Variants in TM9SF3 observed in about 807,000 individuals in gnomAD.
TM9SF3 encodes the protein SM-11044-binding protein.
Under a neutral mutation model 78.6 loss-of-function variants are expected in TM9SF3, and 14 were observed. The observed-to-expected ratio is 0.18, with a 90% confidence interval of 0.12 to 0.28. The LOEUF is 0.28. TM9SF3 is among the 10% of genes least tolerant of loss of function. The pLI is 1.00. For missense variants in TM9SF3, 496 were observed against 721.9 expected (o/e 0.69, Z 3.59); for synonymous variants, 231 against 241.7 (o/e 0.96, Z 0.41).
chr10:96,565,536 C>T (rs897748129), intron 2 of TM9SF3, 110 bp from the exon 3 acceptor site: 30 of 1,244,676 alleles, frequency 2.4e-5, no homozygotes, highest in Non-Finnish European at 3.1e-5. Flanking sequence ...AATTTCTATT[C>T]ACAATAGCTG....
rs149825879 is a variant in TM9SF3 at position 96,518,189 on chromosome 10, G to C, written c.*4074C>G. On this transcript the variant is annotated 3_prime_UTR_variant, in exon 15 of 15. Transcript: ENST00000371142. ...CTAGGTTAGAACCTCAATTGTATTT[G>C]ATACATTATATACTGGATTTCTATT... 12 of 152,260 alleles carry C rather than the reference G, an allele frequency of 7.9e-5. No homozygotes were observed. Among genetic ancestry groups the C allele is most frequent in the African/African-American group, 2.4e-4 (10 of 41,542 alleles). The allele number at this position is 152,260 out of a possible 1,614,324, so 9.4% of individuals were successfully genotyped here.
intron 11 of TM9SF3, among the ~76,000 whole-genome samples, chr10:96,529,540 T>C (rs928908158): frequency 6.6e-6 from 1 of 152,024 alleles, no homozygotes; most frequent in African/African-American, 2.4e-5. Context: ...GGACTTTATG[T>C]TCTTGCTTCA....
intron 5 of TM9SF3, among the ~76,000 whole-genome samples, chr10:96,555,933 A>T (rs1371426282): frequency 6.6e-6 from 1 of 152,294 alleles, no homozygotes; most frequent in East Asian, 1.9e-4. Flanking sequence ...AAAATAAAAG[A>T]AGTTTTATAT....
At chr10:96,576,106 G>A (rs1397644384) in intron 2 of TM9SF3, among the ~76,000 whole-genome samples, 3 of 152,062 alleles carry the variant, frequency 2.0e-5, no homozygotes, top group Non-Finnish European at 1.5e-5. Context: ...AATTTGAGGC[G>A]TCACACAAGA....
chr10:96,527,884 C>G, intron 12 of TM9SF3, 147 bp downstream of exon 12: 1 of 753,272 alleles, frequency 1.3e-6, no homozygotes, highest in Non-Finnish European at 2.0e-6. Context: ...AAATATGTAT[C>G]ATTTTTATAA....
In TM9SF3 at chr10:96,522,216, C is replaced by A. The variant is rs775651475; in HGVS notation, c.*47G>T. The A allele has an allele frequency of 3.3e-6, 5 of 1,517,738 alleles. No individual in the cohort carries two copies. In the South Asian group the frequency reaches 4.8e-5, roughly 14 times the overall value. 94.0% of individuals were successfully genotyped at this position (1,517,738 alleles called of 1,614,324 possible). ...TTTGTTTTTGCTGTGCAAGTTCCAC[C>A]CCTATGAAAAAGAAATTGATCCAAA... On this transcript the variant is annotated 3_prime_UTR_variant, in exon 15 of 15. Transcript: ENST00000371142.
chr10:96,587,007 G>T lies in TM9SF3; in HGVS notation c.-172C>A. ...GCCGCCGCCGTCGCCGTCACCGCCC[G>T]CTCCTGAGCCTCCCCCGCCCCCCGC... On this transcript the variant is annotated 5_prime_UTR_variant, in exon 1 of 15. Coordinates refer to ENST00000371142, the MANE Select transcript of TM9SF3 (RefSeq NM_020123.4). 1 of 342,904 alleles carries T rather than the reference G, an allele frequency of 2.9e-6. No homozygotes were observed. Among genetic ancestry groups the T allele is most frequent in the Non-Finnish European group, 4.6e-6 (1 of 215,306 alleles). The allele number at this position is 342,904 out of a possible 1,614,324, so 21.2% of individuals were successfully genotyped here.
chr10:96,540,479 C>T (rs1848011427), intron 9 of TM9SF3, among the ~76,000 whole-genome samples: 1 of 152,192 alleles, frequency 6.6e-6, no homozygotes, highest in Non-Finnish European at 1.5e-5. Context: ...CAGCTGGGTA[C>T]TCCTGTACAA....
chr10:96,579,660 T>G (rs1848538405), intron 1 of TM9SF3, among the ~76,000 whole-genome samples: 1 of 152,238 alleles, frequency 6.6e-6, no homozygotes, highest in South Asian at 2.1e-4. Flanking sequence ...GGAAGAGGAC[T>G]GAAACAGTAA....
intron 3 of TM9SF3, among the ~76,000 whole-genome samples, chr10:96,563,756 A>G (rs1030910881): frequency 6.6e-6 from 1 of 152,198 alleles, no homozygotes; most frequent in Non-Finnish European, 1.5e-5. Context: ...AATTATATCA[A>G]GTAAGAAGCT....
chr10:96,536,017 T>G (rs187921461), intron 9 of TM9SF3, among the ~76,000 whole-genome samples: 7 of 152,202 alleles, frequency 4.6e-5, no homozygotes, highest in Admixed American at 1.3e-4. Flanking sequence ...GATTAGAAAA[T>G]TAATACTTTC....
Position 96,553,072 on chromosome 10 carries a change from A to G in TM9SF3, c.661-13T>C, listed in dbSNP as rs763658616. 13 of 1,583,706 alleles carry G rather than the reference A, an allele frequency of 8.2e-6. No homozygotes were observed. In the African/African-American group the frequency reaches 1.8e-4, roughly 22 times the overall value. On this transcript the variant is annotated splice_polypyrimidine_tract_variant and intron_variant, in intron 5 of 14. Transcript: ENST00000371142. ...AAAACCAATGAATCTAAAATAACAGAAAATAAAATGTTACCAACCTGCAAT... is the reference window on the plus strand; with the variant it reads ...AAAACCAATGAATCTAAAATAACAGGAAATAAAATGTTACCAACCTGCAAT...
intron 1 of TM9SF3, among the ~76,000 whole-genome samples, chr10:96,580,282 G>C (rs1398653520): frequency 6.6e-6 from 1 of 152,058 alleles, no homozygotes; most frequent in Non-Finnish European, 1.5e-5. Flanking sequence ...GTGTGTGTGT[G>C]TGAGACGGAG....
chr10:96,525,207 C>A (rs1427857375), intron 14 of TM9SF3, among the ~76,000 whole-genome samples: 1 of 151,974 alleles, frequency 6.6e-6, no homozygotes, highest in Non-Finnish European at 1.5e-5. Context: ...GAACAATACT[C>A]TGAAGAAAGG....
intron 9 of TM9SF3, among the ~76,000 whole-genome samples, chr10:96,543,341 A>ATTTT (rs747592959): frequency 1.2e-4 from 1 of 8,508 alleles, no homozygotes; most frequent in Non-Finnish European, 2.5e-4. Flanking sequence ...GCTTAGTGAG[A>ATTTT]TTCTTTTTTT....
At chr10:96,542,199 A>G (rs546281685) in intron 9 of TM9SF3, among the ~76,000 whole-genome samples, 2 of 152,340 alleles carry the variant, frequency 1.3e-5, no homozygotes, top group South Asian at 2.1e-4. Flanking sequence ...TTCATGTTCT[A>G]AACAAGTTTT....
chr10:96,563,557 T>C (rs11188829), intron 3 of TM9SF3, among the ~76,000 whole-genome samples: 25,201 of 152,132 alleles, frequency 0.17, 2,842 homozygotes, highest in Non-Finnish European at 0.26. Context: ...TTTGTATTTT[T>C]AGTAGAGACA....
Position 96,519,854 on chromosome 10 carries a change from TAA to T in TM9SF3, c.*2407_*2408del, listed in dbSNP as rs1847743541. 1 of 151,906 alleles carries T rather than the reference TAA, an allele frequency of 6.6e-6. No homozygotes were observed. The highest frequency in any genetic ancestry group is 6.6e-5 in the Admixed American group (1 of 15,238). 9.4% of individuals were successfully genotyped at this position (151,906 alleles called of 1,614,324 possible). A position where few individuals can be genotyped will look rare whatever the true frequency, so the allele number is the denominator to read the frequency against. On this transcript the variant is annotated 3_prime_UTR_variant, in exon 15 of 15. Coordinates refer to ENST00000371142, the MANE Select transcript of TM9SF3 (RefSeq NM_020123.4). ...CCAAAAACCAATACAAGTCCTTTTC[TAA>T]AAGACTTTAAAGGTGATTAATATTC...
Position 96,559,673 on chromosome 10 carries a change from A to G in TM9SF3, c.646T>C (p.Phe216Leu). The G allele has an allele frequency of 1.3e-6, 2 of 1,589,794 alleles. No homozygotes were observed. Among genetic ancestry groups the G allele is most frequent in the South Asian group, 1.1e-5 (1 of 87,156 alleles). The change falls in exon 5 of 15, where the codon TTT becomes CTT. Residue 216 changes from phenylalanine to leucine, a missense_variant. Physicochemically the swap from Phe to Leu is conservative, Grantham distance 22. Coordinates refer to ENST00000371142, the MANE Select transcript of TM9SF3 (RefSeq NM_020123.4). ...TATTTACCTACCCGATGTTGAAAAA[A>G]GGACGGATCAAGATATTTGTCAAAT... ...DRFDKYLDPS[F>L]FQHRIHWFSI...
Sources: gnomAD v4.1 joint callset for allele counts (sites outside exome capture counted in the v4.1 genomes callset) on GRCh38, gnomAD v4.1.1 for gene constraint, MANE v1.5 for transcripts, NCBI Gene and HGNC (gene_info 2026-07-23, HGNC 2026-07-21) for gene names.